ERC2: variants seen among roughly 807,000 people sequenced by gnomAD.
The protein encoded by ERC2 is ELKS/RAB6-interacting/CAST family member 2, also known as ERC protein 2.
A neutral mutation model predicts 114.8 loss-of-function variants in ERC2; 42 were observed. The ratio of observed to expected loss-of-function variants is 0.37; its 90% confidence interval spans 0.29 to 0.47. ERC2 has a LOEUF of 0.47. Among genes scored for constraint, ERC2 ranks in the 20% least tolerant of loss-of-function variants. The pLI, the probability that ERC2 is intolerant of heterozygous loss-of-function variation, is 0.99. For synonymous variants in ERC2, 454 were observed against 425.5 expected (o/e 1.07, Z -0.82); for missense variants, 939 against 1,150.7 (o/e 0.82, Z 2.66).
intron 2 of ERC2, among the ~76,000 whole-genome samples, chr3:56,321,817 T>A (rs1173620643): frequency 2.6e-5 from 4 of 152,182 alleles, no homozygotes; most frequent in Admixed American, 2.6e-4. Flanking sequence ...TCAGGCCTGG[T>A]CCCCATTTTA....
chr3:56,247,409 GAATA>G (rs1267205433), intron 3 of ERC2, among the ~76,000 whole-genome samples: 18 of 152,158 alleles, frequency 1.2e-4, no homozygotes, highest in African/African-American at 3.9e-4. Context: ...TGTTTATAAT[GAATA>G]GTTTTCTATT....
chr3:56,449,653 G>A (rs145934168), intron 1 of ERC2, among the ~76,000 whole-genome samples: 3 of 152,252 alleles, frequency 2.0e-5, no homozygotes, highest in East Asian at 1.9e-4. Flanking sequence ...TTCTGGATAC[G>A]CAATCTTGAA....
At chr3:55,603,920 G>A (rs758434690) in intron 17 of ERC2, among the ~76,000 whole-genome samples, 1 of 152,012 alleles carries the variant, frequency 6.6e-6, no homozygotes, top group Non-Finnish European at 1.5e-5. Context: ...AATAAAGACA[G>A]TAAAAATAAT....
At chr3:55,918,342 T>G (rs1392448150) in intron 13 of ERC2, among the ~76,000 whole-genome samples, 4 of 152,070 alleles carry the variant, frequency 2.6e-5, no homozygotes, top group Admixed American at 1.3e-4. Context: ...TCTATGAGCA[T>G]CTGTTTTGTC....
intron 1 of ERC2, among the ~76,000 whole-genome samples, chr3:56,457,220 A>G (rs1273618615): frequency 6.6e-6 from 1 of 152,210 alleles, no homozygotes; most frequent in East Asian, 1.9e-4. Context: ...ATTTATTGAA[A>G]TGAACTTTGT....
chr3:55,874,284 G>T (rs571901041), intron 14 of ERC2, among the ~76,000 whole-genome samples: 1 of 152,150 alleles, frequency 6.6e-6, no homozygotes, highest in African/African-American at 2.4e-5. Context: ...AGAATAAGGC[G>T]GGGAGGCTTT....
intron 17 of ERC2, among the ~76,000 whole-genome samples, chr3:55,543,312 C>T (rs2054523865): frequency 1.3e-5 from 2 of 152,144 alleles, no homozygotes; most frequent in South Asian, 4.2e-4. Context: ...CCAGTAACAT[C>T]GAGGGCCAGA....
intron 2 of ERC2, among the ~76,000 whole-genome samples, chr3:56,340,329 G>C (rs1323392579): frequency 6.6e-6 from 1 of 151,930 alleles, no homozygotes; most frequent in South Asian, 2.1e-4. Context: ...TAAAACACAG[G>C]CTTAAAAAAT....
intron 3 of ERC2, among the ~76,000 whole-genome samples, chr3:56,270,074 A>AGG: frequency 6.9e-6 from 1 of 144,110 alleles, no homozygotes; most frequent in South Asian, 2.1e-4. Context: ...TTTAAGGAGG[A>AGG]AAAAATAGAC....
intron 17 of ERC2, among the ~76,000 whole-genome samples, chr3:55,683,069 T>C (rs144844170): frequency 1.9e-3 from 296 of 152,292 alleles, no homozygotes; most frequent in Non-Finnish European, 3.6e-3. Flanking sequence ...GCTTTTAAAA[T>C]ACAAAACCCT....
intron 14 of ERC2, among the ~76,000 whole-genome samples, chr3:55,767,127 T>C (rs868631510): frequency 2.3e-4 from 35 of 152,162 alleles, no homozygotes; most frequent in African/African-American, 8.4e-4. Context: ...ATTTATGACT[T>C]AAATGGCAGG....
At chr3:55,639,507 A>T (rs1217625270) in intron 17 of ERC2, among the ~76,000 whole-genome samples, 3 of 152,146 alleles carry the variant, frequency 2.0e-5, no homozygotes, top group Non-Finnish European at 4.4e-5. Flanking sequence ...AGAGTCTGGG[A>T]CACACTGTCT....
intron 2 of ERC2, among the ~76,000 whole-genome samples, chr3:56,399,245 G>C (rs2060430646): frequency 6.6e-6 from 1 of 152,224 alleles, no homozygotes; most frequent in African/African-American, 2.4e-5. Context: ...ATTAGAGCCT[G>C]CGTACTTCTA....
chr3:55,874,585 G>T (rs930865195), intron 14 of ERC2, among the ~76,000 whole-genome samples: 3 of 150,226 alleles, frequency 2.0e-5, no homozygotes, highest in Non-Finnish European at 4.4e-5. Flanking sequence ...ACAATGATTT[G>T]TTAAGTCATT....
chr3:55,898,416 T>C (rs2063946438), intron 13 of ERC2, among the ~76,000 whole-genome samples: 1 of 152,148 alleles, frequency 6.6e-6, no homozygotes, highest in Non-Finnish European at 1.5e-5. Flanking sequence ...TAGTAAAGGA[T>C]GTGGACTCTG....
intron 13 of ERC2, among the ~76,000 whole-genome samples, chr3:55,934,197 T>C (rs997905776): frequency 2.6e-5 from 4 of 152,216 alleles, no homozygotes; most frequent in Non-Finnish European, 4.4e-5. Flanking sequence ...GGAAAAAGTA[T>C]ACAAAGACAT....
chr3:55,982,132 C>T (rs1015022833), intron 12 of ERC2, among the ~76,000 whole-genome samples: 2 of 152,164 alleles, frequency 1.3e-5, no homozygotes, highest in African/African-American at 2.4e-5. Flanking sequence ...AGGCTGGCTG[C>T]ACAGCTGGCA....
At chr3:56,237,992 A>T (rs1364964273) in intron 3 of ERC2, among the ~76,000 whole-genome samples, 1 of 151,748 alleles carries the variant, frequency 6.6e-6, no homozygotes, top group Non-Finnish European at 1.5e-5. Flanking sequence ...TCACATCTGC[A>T]CCACTATTGA....
rs569169579 is a variant in ERC2, at chr3:56,203,291, A to T, written c.1075-29771T>A. Among the ~76,000 whole-genome samples, 19 of 152,198 alleles carry T rather than the reference A, an allele frequency of 1.2e-4. No homozygotes were observed. In the South Asian group the frequency reaches 4.0e-3, roughly 32 times the overall value. ...CAGTGGCCTGACAGCCTCTGACCTT[A>T]AAGTAACTCTAAGAGCTATTTGTAG... is the stretch of plus-strand genomic sequence containing the variant. On this transcript the variant is annotated intron_variant, in intron 3 of 17. Coordinates refer to ENST00000288221, the MANE Select transcript of ERC2 (RefSeq NM_015576.3).
Sources: allele counts gnomAD v4.1 joint callset (sites outside exome capture counted in the v4.1 genomes callset), GRCh38; gene constraint gnomAD v4.1.1; transcripts MANE v1.5; gene names NCBI Gene and HGNC (gene_info 2026-07-23, HGNC 2026-07-21).